C12orf42: variants seen among roughly 807,000 people sequenced by gnomAD.
C12orf42 encodes the protein uncharacterized protein C12orf42.
A neutral mutation model predicts 21.6 loss-of-function variants in C12orf42; 25 were observed. That is an observed-to-expected ratio of 1.16 (90% confidence interval 0.84 to 1.62). The LOEUF is 1.62. Among genes scored for constraint, C12orf42 ranks in the 40% most tolerant of loss-of-function variants. The pLI is 0.00. For missense variants in C12orf42, 483 were observed against 459.3 expected (o/e 1.05, Z -0.47); for synonymous variants, 174 against 175.0 (o/e 0.99, Z 0.05).
chr12:103,345,461 C>T (rs185135265), intron 4 of C12orf42, among the ~76,000 whole-genome samples: 15 of 152,238 alleles, frequency 9.9e-5, no homozygotes, highest in Admixed American at 9.2e-4. Flanking sequence ...CAGTGCCATC[C>T]ATTCACAGCA....
At chr12:103,474,985 G>T (rs1953931917) in intron 2 of C12orf42, among the ~76,000 whole-genome samples, 3 of 152,126 alleles carry the variant, frequency 2.0e-5, no homozygotes, top group Admixed American at 2.0e-4. Flanking sequence ...TAAGTCAAAG[G>T]ATTCTCTGAA....
chr12:103,218,527 G>C, the C12orf42 span, among the ~76,000 whole-genome samples: 70,452 of 151,862 alleles, frequency 0.46, 16,727 homozygotes, highest in East Asian at 0.59. Flanking sequence ...CTGCAAAACC[G>C]AAGTATTCTG....
the C12orf42 span, among the ~76,000 whole-genome samples, chr12:103,061,264 T>G: frequency 6.6e-6 from 1 of 152,210 alleles, no homozygotes; most frequent in Non-Finnish European, 1.5e-5. Flanking sequence ...AACTTCCCAT[T>G]GGTCTTCTTC....
the C12orf42 span, among the ~76,000 whole-genome samples, chr12:103,506,519 A>G: frequency 6.6e-6 from 1 of 151,928 alleles, no homozygotes; most frequent in Non-Finnish European, 1.5e-5. Context: ...GTTTGAATAC[A>G]CAAATACTTA....
At chr12:103,392,843 G>A (rs1250101009) in intron 3 of C12orf42, among the ~76,000 whole-genome samples, 2 of 152,118 alleles carry the variant, frequency 1.3e-5, no homozygotes, top group African/African-American at 4.8e-5. Context: ...TCTCTTTCTG[G>A]CAGCTGTGCA....
chr12:103,478,699 CT>C (rs942520477), intron 1 of C12orf42, among the ~76,000 whole-genome samples: 3 of 150,086 alleles, frequency 2.0e-5, no homozygotes, highest in Admixed American at 6.7e-5. Context: ...AAATTCTATA[CT>C]TTTCTGCATA....
chr12:103,160,217 G>T, the C12orf42 span, among the ~76,000 whole-genome samples: 7 of 152,258 alleles, frequency 4.6e-5, no homozygotes, highest in South Asian at 1.0e-3. Context: ...AATTCCAGAG[G>T]TTCTACAGCA....
At chr12:103,265,799 C>CTGTTT (rs3063704), downstream of C12orf42, among the ~76,000 whole-genome samples, 17,086 of 150,198 alleles carry the variant, frequency 0.11, 1,088 homozygotes, top group African/African-American at 0.15. Context: ...ATTTCTTAGG[C>CTGTTT]TGTTTTGTTT....
chr12:103,288,689 A>G (rs574966717), intron 4 of C12orf42, among the ~76,000 whole-genome samples: 3 of 152,116 alleles, frequency 2.0e-5, no homozygotes, highest in Non-Finnish European at 4.4e-5. Context: ...CCCTTCATTC[A>G]TGTCCCCCTG....
intron 2 of C12orf42, among the ~76,000 whole-genome samples, chr12:103,426,123 C>G (rs993023180): frequency 6.6e-6 from 1 of 152,154 alleles, no homozygotes; most frequent in Non-Finnish European, 1.5e-5. Flanking sequence ...GATGAATTGA[C>G]AGAAGTAGGC....
intron 4 of C12orf42, among the ~76,000 whole-genome samples, chr12:103,284,914 A>G (rs2036350511): frequency 6.6e-6 from 1 of 152,114 alleles, no homozygotes; most frequent in Admixed American, 6.6e-5. Context: ...GGAGCCCTGG[A>G]TAGTATAGTG....
At chr12:103,164,429 A>G in the C12orf42 span, 1 of 455,986 alleles carries the variant, frequency 2.2e-6, no homozygotes, top group Admixed American at 2.3e-5. Flanking sequence ...ATTGCCTGAT[A>G]TTTTCATGGT....
the C12orf42 span, among the ~76,000 whole-genome samples, chr12:103,117,374 T>A: frequency 1.3e-5 from 2 of 152,244 alleles, no homozygotes; most frequent in African/African-American, 4.8e-5. Context: ...TGTCCCTAAC[T>A]ATATTTAGTG....
chr12:103,462,133 G>A (rs1446984663), intron 2 of C12orf42, among the ~76,000 whole-genome samples: 1 of 13,414 alleles, frequency 7.5e-5, no homozygotes, highest in Admixed American at 1.1e-3. Flanking sequence ...TTGAGACAGA[G>A]TTTCGCTCTT....
At chr12:103,368,107 C>T (rs903550182) in intron 4 of C12orf42, 5 of 1,262,430 alleles carry the variant, frequency 4.0e-6, no homozygotes, top group Non-Finnish European at 5.2e-6. Context: ...TGAAATGGTC[C>T]TAAAAATGGA....
chr12:103,332,901 CCT>C (rs2041367027), intron 4 of C12orf42, among the ~76,000 whole-genome samples: 1 of 152,198 alleles, frequency 6.6e-6, no homozygotes, highest in Non-Finnish European at 1.5e-5. Flanking sequence ...CAGGTCTGCC[CCT>C]CTGTTTTGAG....
At chr12:103,404,385 G>C (rs1009870609) in intron 2 of C12orf42, among the ~76,000 whole-genome samples, 1 of 152,146 alleles carries the variant, frequency 6.6e-6, no homozygotes, top group Non-Finnish European at 1.5e-5. Flanking sequence ...AAAGTAGCTG[G>C]GATATTCATT....
chr12:103,094,362 C>T, the C12orf42 span, among the ~76,000 whole-genome samples: 2 of 152,210 alleles, frequency 1.3e-5, no homozygotes, highest in Admixed American at 1.3e-4. Flanking sequence ...AATCTTACCT[C>T]CTACCAGCCT....
chr12:103,508,952 G>GT, the C12orf42 span, among the ~76,000 whole-genome samples: 1 of 152,148 alleles, frequency 6.6e-6, no homozygotes, highest in Non-Finnish European at 1.5e-5. Flanking sequence ...TACTTTATAT[G>GT]TAAAAAATTT....
Sources: allele counts gnomAD v4.1 joint callset (sites outside exome capture counted in the v4.1 genomes callset), GRCh38; gene constraint gnomAD v4.1.1; transcripts MANE v1.5; gene names NCBI Gene and HGNC (gene_info 2026-07-23, HGNC 2026-07-21).